Variants in VWA3B observed in about 807,000 individuals in gnomAD.
VWA3B encodes the protein von Willebrand factor A domain containing 3B.
In VWA3B, 138 loss-of-function variants were observed where a neutral mutation model predicts 158.3. The observed-to-expected ratio is 0.87, with a 90% CI of 0.76 to 1.00. The LOEUF is 1.00. VWA3B is among the 50% of genes least tolerant of loss of function. The pLI is 0.00. For synonymous variants in VWA3B, 596 were observed against 587.3 expected (o/e 1.01, Z -0.21); for missense variants, 1,555 against 1,565.1 (o/e 0.99, Z 0.11).
At chr2:98,215,579 G>T (rs1371835434) in intron 13 of VWA3B, among the ~76,000 whole-genome samples, 1 of 150,218 alleles carries the variant, frequency 6.7e-6, no homozygotes, top group African/African-American at 2.4e-5. Context: ...GTGTAGTGGC[G>T]CAATCTCGGC....
chr2:98,144,858 G>A (rs1035630133), intron 7 of VWA3B, among the ~76,000 whole-genome samples: 5 of 152,096 alleles, frequency 3.3e-5, no homozygotes, highest in African/African-American at 4.8e-5. Flanking sequence ...GAGCCACCGC[G>A]TTATCCCCAG....
At chr2:98,124,807 CT>C (rs1675230648) in intron 5 of VWA3B, among the ~76,000 whole-genome samples, 1 of 152,196 alleles carries the variant, frequency 6.6e-6, no homozygotes, top group Admixed American at 6.5e-5. Context: ...TAATCTGTTT[CT>C]TTCTTCCCCC....
rs569957515 is a variant in VWA3B, at chr2:98,270,018, G to A, written c.2844-664G>A. Among the ~76,000 whole-genome samples the A allele has an allele frequency of 5.9e-5, 9 of 152,108 alleles. No homozygotes were observed. In the East Asian group the frequency reaches 9.7e-4, roughly 16 times the overall value. ...TCTCCCTACCCATTCCATTCTAGCA[G>A]TGTCTGACTCAGAAGCAGCTCAGAC... On this transcript the variant is annotated intron_variant, in intron 21 of 27. Coordinates refer to ENST00000477737, the MANE Select transcript of VWA3B (RefSeq NM_144992.5).
intron 24 of VWA3B, among the ~76,000 whole-genome samples, chr2:98,298,422 C>A (rs1016922053): frequency 6.6e-6 from 1 of 151,404 alleles, no homozygotes; most frequent in African/African-American, 2.4e-5. Context: ...CTATTCTATT[C>A]TATTCTATTC....
chr2:98,218,786 G>T (rs1438728167), intron 14 of VWA3B, among the ~76,000 whole-genome samples: 2 of 152,314 alleles, frequency 1.3e-5, no homozygotes, highest in Admixed American at 6.5e-5. Context: ...TGCTTCATGT[G>T]AGTGAACTAC....
the VWA3B span, among the ~76,000 whole-genome samples, chr2:98,329,320 C>T: frequency 3.3e-5 from 5 of 151,908 alleles, no homozygotes; most frequent in African/African-American, 7.3e-5. Context: ...TAAACATAAA[C>T]GAAAAAATTG....
At chr2:98,308,281 C>A (rs576616093) in intron 26 of VWA3B, among the ~76,000 whole-genome samples, 1 of 152,156 alleles carries the variant, frequency 6.6e-6, no homozygotes, top group Non-Finnish European at 1.5e-5. Context: ...CTCTGACACA[C>A]GGCTGAGAGG....
At chr2:98,090,301 A>G (rs1348044513) in intron 1 of VWA3B, among the ~76,000 whole-genome samples, 3 of 152,194 alleles carry the variant, frequency 2.0e-5, no homozygotes, top group Non-Finnish European at 4.4e-5. Flanking sequence ...CTAGCTCAGT[A>G]TGATTGGAGA....
intron 22 of VWA3B, among the ~76,000 whole-genome samples, chr2:98,275,243 C>T (rs2105900700): frequency 6.6e-6 from 1 of 152,290 alleles, no homozygotes; most frequent in Middle Eastern, 3.4e-3. Flanking sequence ...AGAAGAGGCA[C>T]AGTGAGAGGA....
intron 2 of VWA3B, among the ~76,000 whole-genome samples, chr2:98,095,384 A>G (rs1202532691): frequency 6.6e-6 from 1 of 152,176 alleles, no homozygotes; most frequent in African/African-American, 2.4e-5. Flanking sequence ...TTTGGTAGCT[A>G]TTGTAAATGG....
At chr2:98,290,809 C>A in intron 23 of VWA3B, 187 bp downstream of exon 23, 11 of 482,898 alleles carry the variant, frequency 2.3e-5, no homozygotes, top group South Asian at 4.3e-5. Context: ...TTTGGGCCCC[C>A]CAAAAAAGTA....
chr2:98,115,520 T>C, intron 2 of VWA3B, 132 bp from the exon 3 acceptor site: 1 of 673,710 alleles, frequency 1.5e-6, no homozygotes, highest in Non-Finnish European at 2.6e-6. Context: ...TAGAACAGAA[T>C]AGAAAGCATC....
chr2:98,330,226 G>C, the VWA3B span, among the ~76,000 whole-genome samples: 1 of 152,164 alleles, frequency 6.6e-6, no homozygotes, highest in African/African-American at 2.4e-5. Flanking sequence ...CCAGCCCCCA[G>C]CCTCCAAGGG....
intron 22 of VWA3B, among the ~76,000 whole-genome samples, chr2:98,273,232 C>A (rs1228084656): frequency 6.6e-6 from 1 of 152,210 alleles, no homozygotes; most frequent in East Asian, 1.9e-4. Context: ...ACTGGTTTAG[C>A]CTGGCTTAAA....
rs1686737098 is a variant in VWA3B, at chr2:98,250,558, CA to C, written c.2792+123del. 16 of 821,298 alleles carry C rather than the reference CA, an allele frequency of 1.9e-5. 1 individual carries two copies. In the South Asian group the frequency reaches 3.0e-4, roughly 15 times the overall value. The allele number at this position is 821,298 out of a possible 1,614,324, so 50.9% of individuals were successfully genotyped here. On this transcript the variant is annotated intron_variant, in intron 20 of 27. Transcript: ENST00000477737. ...ATGAAGCAGCTATTTAAAAATTGTT[CA>C]GGCTGGGTGTGGTAGTTCATGCCTG...
chr2:98,222,153 G>A (rs897351552), intron 14 of VWA3B, among the ~76,000 whole-genome samples: 7 of 152,148 alleles, frequency 4.6e-5, no homozygotes, highest in Non-Finnish European at 1.0e-4. Context: ...CGACGAGACT[G>A]AAGGAGGTAG....
chr2:98,253,030 A>G (rs530456629), intron 20 of VWA3B, among the ~76,000 whole-genome samples: 1 of 152,292 alleles, frequency 6.6e-6, no homozygotes, highest in South Asian at 2.1e-4. Flanking sequence ...TGTTTGTATC[A>G]AGTAAATTAT....
At chr2:98,103,559 T>G (rs1337603700) in intron 2 of VWA3B, among the ~76,000 whole-genome samples, 1 of 152,160 alleles carries the variant, frequency 6.6e-6, no homozygotes, top group Non-Finnish European at 1.5e-5. Context: ...TGTTGTTTAA[T>G]TTCCAGTTAT....
the VWA3B span, among the ~76,000 whole-genome samples, chr2:98,318,714 C>T: frequency 1.3e-5 from 2 of 152,114 alleles, no homozygotes; most frequent in Non-Finnish European, 2.9e-5. Context: ...ACATGTACCC[C>T]TGAACTTAAA....
Sources: allele counts gnomAD v4.1 joint callset (sites outside exome capture counted in the v4.1 genomes callset), GRCh38; gene constraint gnomAD v4.1.1; transcripts MANE v1.5; gene names NCBI Gene and HGNC (gene_info 2026-07-23, HGNC 2026-07-21).